The following NECTIN1 variants were observed in gnomAD, a reference collection of about 807,000 sequenced individuals.
NECTIN1 encodes nectin-1.
Under a neutral mutation model 48.0 loss-of-function variants are expected in NECTIN1, and 23 were observed. The observed-to-expected ratio is 0.48, with a 90% CI of 0.34 to 0.68. NECTIN1 has a LOEUF of 0.68. NECTIN1 is among the 30% of genes least tolerant of loss of function. NECTIN1 has a pLI of 0.01. For synonymous variants in NECTIN1, 270 were observed against 288.9 expected, an observed-to-expected ratio of 0.93 and a Z score of 0.66; for missense variants, 591 against 709.9, an observed-to-expected ratio of 0.83 and a Z score of 1.90.
At position 119,683,374 on chromosome 11, in the gene NECTIN1, AAC is replaced by A. The variant is rs539644900; in HGVS notation, c.80-4611_80-4610del. ...CAGTGCTTTCCCACCCTGCCACAAAAACAGACTCTGGCTCAACCTAACTCCCT... is the reference window on the plus strand; with the variant it reads ...CAGTGCTTTCCCACCCTGCCACAAAAAGACTCTGGCTCAACCTAACTCCCT... On this transcript the variant is annotated intron_variant, in intron 1 of 5. Coordinates refer to ENST00000264025, the MANE Select transcript of NECTIN1 (RefSeq NM_002855.5). This position sits in a 1 kb window ranked among gnomAD's most constrained non-coding sequence, Gnocchi z 4.0. 3.3e-4 allele frequency among the ~76,000 whole-genome samples: 50 copies of A among 152,138 alleles called. No homozygotes were observed. Among genetic ancestry groups the A allele is most frequent in the African/African-American group, 9.4e-4 (39 of 41,498 alleles).
intron 5 of NECTIN1, among the ~76,000 whole-genome samples, chr11:119,650,426 T>G (rs141257428): frequency 5.3e-4 from 81 of 152,334 alleles, no homozygotes; most frequent in African/African-American, 1.9e-3. Flanking sequence ...CCGGCCTGCC[T>G]CTGATGACGC....
intron 6 of NECTIN1, chr11:119,639,809 G>A (rs891457125): frequency 6.2e-7 from 1 of 1,609,846 alleles, no homozygotes; most frequent in Non-Finnish European, 8.5e-7. Flanking sequence ...GGGGCTCCCA[G>A]GGTGCTGGGG....
intron 5 of NECTIN1, among the ~76,000 whole-genome samples, chr11:119,643,984 C>T (rs1409838094): frequency 1.3e-5 from 2 of 152,222 alleles, no homozygotes; most frequent in African/African-American, 2.4e-5. Flanking sequence ...CAGCTAGGGC[C>T]GCCACAGCTG....
At chr11:119,652,965 C>G (rs974943680) in intron 5 of NECTIN1, among the ~76,000 whole-genome samples, 1 of 152,196 alleles carries the variant, frequency 6.6e-6, no homozygotes, top group Non-Finnish European at 1.5e-5. Flanking sequence ...GGACAACAGA[C>G]CTCATGGGTG....
rs1368025396 is a variant in NECTIN1 at position 119,709,303 on chromosome 11, C to CCTGT, written c.79+19168_79+19171dup. 6.6e-6 allele frequency among the ~76,000 whole-genome samples: 1 copy of CCTGT among 152,174 alleles called. No homozygotes were observed. The highest frequency in any genetic ancestry group is 1.5e-5 in the Non-Finnish European group (1 of 68,028). ...CACTCATATCCCCAGTGTACCAGGG[C>CCTGT]CTGTCTCAGCCCCTGAGAATCTGGG... On this transcript the variant is annotated intron_variant, in intron 1 of 5. Coordinates refer to ENST00000264025, the MANE Select transcript of NECTIN1 (RefSeq NM_002855.5). This position sits in a 1 kb window ranked among gnomAD's most constrained non-coding sequence, Gnocchi z 4.1.
chr11:119,725,508 A>G (rs539589340), intron 1 of NECTIN1, among the ~76,000 whole-genome samples: 1 of 152,342 alleles, frequency 6.6e-6, no homozygotes, highest in East Asian at 1.9e-4. Context: ...GTGCTGCCTT[A>G]TAAATGGGTA....
Position 119,728,483 on chromosome 11 carries a change from A to G in NECTIN1, c.71T>C (p.Phe24Ser). 1 of 1,603,124 alleles carries G rather than the reference A, an allele frequency of 6.2e-7. No individual in the cohort carries two copies. Among genetic ancestry groups the G allele is most frequent in the Non-Finnish European group, 8.5e-7 (1 of 1,175,858 alleles). ...GAGGTGAGCGCTCTTACCTGGGAGG[A>G]AGAATGCGGTCAAGCCGAGAGCGAG... ...WGLALGLTAF[F>S]LPGVHSQVVQ... is the part of the protein sequence containing the mutation. Residue 24 changes from phenylalanine (F) to serine (S), a missense_variant, in exon 1 of 6, where the codon TTC becomes TCC. Transcript: ENST00000264025.
chr11:119,650,846 C>T (rs1256010803), intron 5 of NECTIN1, among the ~76,000 whole-genome samples: 1 of 152,148 alleles, frequency 6.6e-6, no homozygotes, highest in African/African-American at 2.4e-5. Context: ...CACTGCCTGG[C>T]ACTTAGGGAG....
At position 119,709,117 on chromosome 11, in the gene NECTIN1, G is replaced by A. The variant is rs1164804185; in HGVS notation, c.79+19358C>T. ...TGCATGAGATGCCTGGGACCAGAGC[G>A]ACAGACGGTCACCTGACAAGCCACA... On this transcript the variant is annotated intron_variant, in intron 1 of 5. Transcript: ENST00000264025. The surrounding 1 kb of genome is among the most constrained non-coding windows in gnomAD (Gnocchi z 4.1). Among the ~76,000 whole-genome samples the A allele has an allele frequency of 1.3e-5, 2 of 152,086 alleles. No homozygotes were observed. Among genetic ancestry groups the A allele is most frequent in the African/African-American group, 2.4e-5 (1 of 41,390 alleles).
intron 5 of NECTIN1, among the ~76,000 whole-genome samples, chr11:119,649,620 G>A (rs1864460969): frequency 6.6e-6 from 1 of 152,142 alleles, no homozygotes; most frequent in South Asian, 2.1e-4. Context: ...AACCCTGGAG[G>A]CGGAGGTTGC....
Position 119,677,201 on chromosome 11 carries a change from A to G in NECTIN1, c.752T>C (p.Ile251Thr), listed in dbSNP as rs780528970. The G allele has an allele frequency of 1.2e-6, 2 of 1,613,876 alleles. No homozygotes were observed. Among genetic ancestry groups the G allele is most frequent in the Non-Finnish European group, 1.7e-6 (2 of 1,179,824 alleles). Residue 251 changes from isoleucine to threonine, a missense_variant, in exon 4 of 6, where the codon ATT (isoleucine) becomes ACT (threonine). Transcript: ENST00000264025. The surrounding 1 kb of genome is among the most constrained non-coding windows in gnomAD (Gnocchi z 5.4). Reference sequence around the variant, plus strand: ...GTACCAGTTGCCATCAAACCCCTCAATGGTTACCTCAGGCTCATCTGTGGG... The same window carrying G: ...GTACCAGTTGCCATCAAACCCCTCAGTGGTTACCTCAGGCTCATCTGTGGG... ...LNVQYEPEVTIEGFDGNWYLQ... is the reference protein window; with the variant it reads ...LNVQYEPEVTTEGFDGNWYLQ...
intron 1 of NECTIN1, among the ~76,000 whole-genome samples, chr11:119,696,447 G>C (rs1411196943): frequency 6.6e-6 from 1 of 152,222 alleles, no homozygotes; most frequent in Non-Finnish European, 1.5e-5. Flanking sequence ...GGTGGGGTTG[G>C]AGGAGGGAGG....
chr11:119,665,478 C>G lies in NECTIN1; in HGVS notation c.1004-181G>C, dbSNP rs544884709. Among the ~76,000 whole-genome samples the G allele has an allele frequency of 6.6e-6, 1 of 152,254 alleles. No individual in the cohort carries two copies. Among genetic ancestry groups the G allele is most frequent in the South Asian group, 2.1e-4 (1 of 4,828 alleles). ...CCCATCCTGGAGCCCTAACATGCCG[C>G]AGCGTTGGTAGCTGGAGTGAGAGAC... On this transcript the variant is annotated intron_variant, in intron 5 of 5. Coordinates refer to ENST00000264025, the MANE Select transcript of NECTIN1 (RefSeq NM_002855.5). This position sits in a 1 kb window ranked among gnomAD's most constrained non-coding sequence, Gnocchi z 5.1.
At chr11:119,659,611 C>T (rs932285246), downstream of NECTIN1, among the ~76,000 whole-genome samples, 10 of 152,142 alleles carry the variant, frequency 6.6e-5, no homozygotes, top group African/African-American at 2.4e-4. Flanking sequence ...TCCCAGTATC[C>T]TTTGGGCCGG....
Position 119,728,708 on chromosome 11 carries a change from T to TG in NECTIN1, c.-156dup. 2.1e-5 allele frequency: 2 copies of TG among 96,488 alleles called. No individual in the cohort carries two copies. The highest frequency in any genetic ancestry group is 2.1e-5 in the Non-Finnish European group (1 of 47,042). 6.0% of individuals were successfully genotyped at this position (96,488 alleles called of 1,614,324 possible). On this transcript the variant is annotated 5_prime_UTR_variant, in exon 1 of 6. Transcript: ENST00000264025. ...GTCGGCCGGGGCGGGGTGGGCTGGG[T>TG]GGGATCCGCGCGGCCGCAGTCCGGG...
Position 119,677,799 on chromosome 11 carries a change from C to T in NECTIN1, c.489G>A (p.Gln163=). The T allele has an allele frequency of 6.2e-7, 1 of 1,614,180 alleles. No homozygotes were observed. The highest frequency in any genetic ancestry group is 8.5e-7 in the Non-Finnish European group (1 of 1,180,014). Reference sequence around the variant, plus strand: ...AGGTGGCCACCAGGACCTTGTCATCCTGCCCCTTCTTGGCTCGAAGCACTG... The same window carrying T: ...AGGTGGCCACCAGGACCTTGTCATCTTGCCCCTTCTTGGCTCGAAGCACTG... ...TQAVLRAKKG[Q]DDKVLVATCT... The change falls in exon 3 of 6, where the codon CAG becomes CAA. Residue 163 remains glutamine (Q), a synonymous_variant. Coordinates refer to ENST00000264025, the MANE Select transcript of NECTIN1 (RefSeq NM_002855.5). This position sits in a 1 kb window ranked among gnomAD's most constrained non-coding sequence, Gnocchi z 5.4.
intron 1 of NECTIN1, among the ~76,000 whole-genome samples, chr11:119,697,146 CG>C (rs1865355087): frequency 6.6e-6 from 1 of 151,960 alleles, no homozygotes; most frequent in Non-Finnish European, 1.5e-5. Context: ...AGGATTAGGG[CG>C]GGGAGACGCT....
intron 1 of NECTIN1, 62 bp downstream of exon 1, chr11:119,728,413 C>CGGCTCCCA (rs757638840): frequency 6.8e-7 from 1 of 1,479,734 alleles, no homozygotes; most frequent in Non-Finnish European, 9.2e-7. Flanking sequence ...GCCCGCCATC[C>CGGCTCCCA]GGCTCCCAGC....
intron 1 of NECTIN1, among the ~76,000 whole-genome samples, chr11:119,698,390 C>A (rs1476152184): frequency 6.6e-6 from 1 of 152,244 alleles, no homozygotes; most frequent in African/African-American, 2.4e-5. Flanking sequence ...GAGATTCTAC[C>A]ATTTCCCCCT....
Sources: allele counts gnomAD v4.1 joint callset (sites outside exome capture counted in the v4.1 genomes callset), GRCh38; gene constraint gnomAD v4.1.1; non-coding constraint Gnocchi (gnomAD v3.1); transcripts MANE v1.5; gene names NCBI Gene and HGNC (gene_info 2026-07-23, HGNC 2026-07-21).